Variants in DGKI observed in about 807,000 individuals in gnomAD.
DGKI encodes the protein DAG kinase iota.
A neutral mutation model predicts 147.5 loss-of-function variants in DGKI; 55 were observed. That is an observed-to-expected ratio of 0.37 (90% CI 0.30 to 0.47). The LOEUF (loss-of-function observed/expected upper bound fraction) is 0.47, where lower values mean the gene tolerates loss of function less well. Among genes scored for constraint, DGKI ranks in the 20% least tolerant of loss-of-function variants. The pLI, the probability that DGKI is intolerant of heterozygous loss-of-function variation, is 1.00. For synonymous variants in DGKI, 469 were observed against 477.1 expected (o/e 0.98, Z 0.22); for missense variants, 1,007 against 1,323.8 (o/e 0.76, Z 3.71).
intron 29 of DGKI, among the ~76,000 whole-genome samples, chr7:137,409,242 A>G (rs1302388411): frequency 6.6e-6 from 1 of 152,238 alleles, no homozygotes; most frequent in Admixed American, 6.5e-5. Flanking sequence ...TCAATTAAAA[A>G]TACTTTCTTA....
At chr7:137,398,539 G>C (rs992988936) in intron 30 of DGKI, among the ~76,000 whole-genome samples, 1 of 152,078 alleles carries the variant, frequency 6.6e-6, no homozygotes, top group South Asian at 2.1e-4. Context: ...CTGGGAATTT[G>C]CTCTCTTTAT....
chr7:137,717,944 C>A (rs1055458210), intron 1 of DGKI, among the ~76,000 whole-genome samples: 2 of 152,150 alleles, frequency 1.3e-5, no homozygotes, highest in Admixed American at 1.3e-4. Flanking sequence ...ACCCACCCAG[C>A]GGAAGGAGCT....
At chr7:137,844,898 C>A (rs1798664444) in intron 1 of DGKI, among the ~76,000 whole-genome samples, 1 of 152,184 alleles carries the variant, frequency 6.6e-6, no homozygotes, top group Admixed American at 6.5e-5. Flanking sequence ...AATCACCACC[C>A]CCTTCCAACT....
Position 137,384,346 on chromosome 7 carries a change from T to C in DGKI, c.*6874A>G, listed in dbSNP as rs956283420. 1 of 152,010 alleles carries C rather than the reference T, an allele frequency of 6.6e-6. No homozygotes were observed. The highest frequency in any genetic ancestry group is 2.4e-5 in the African/African-American group (1 of 41,410). 9.4% of individuals were successfully genotyped at this position (152,010 alleles called of 1,614,324 possible). On this transcript the variant is annotated 3_prime_UTR_variant, in exon 33 of 33. Coordinates refer to ENST00000614521, the MANE Select transcript of DGKI (RefSeq NM_001321708.2). ...GACAGCAAAAACTCTGACTTTTTGA[T>C]TTCACATTCTCCCTTATTTCTAACT...
intron 21 of DGKI, among the ~76,000 whole-genome samples, chr7:137,516,553 T>A (rs1197039721): frequency 6.6e-6 from 1 of 151,704 alleles, no homozygotes; most frequent in South Asian, 2.1e-4. Flanking sequence ...TCACATTTTT[T>A]AAAAAAAGAA....
chr7:137,572,748 A>G lies in DGKI; in HGVS notation c.1835+17T>C, dbSNP rs763296355. 6.4e-7 allele frequency: 1 copy of G among 1,563,330 alleles called. No individual in the cohort carries two copies. The highest frequency in any genetic ancestry group is 2.3e-5 in the East Asian group (1 of 44,380). On this transcript the variant is annotated intron_variant, in intron 18 of 32. Transcript: ENST00000614521. ...GAGTTCACGTCAAACCAAGGAAACA[A>G]TACAAACAGAGCCTACCTGGGTATA...
At chr7:137,702,503 T>G (rs1043859999) in intron 1 of DGKI, among the ~76,000 whole-genome samples, 13 of 152,202 alleles carry the variant, frequency 8.5e-5, no homozygotes, top group African/African-American at 3.1e-4. Flanking sequence ...ACTCTTGAGA[T>G]TATTTTTCAA....
chr7:137,419,325 T>C (rs1401379648), intron 28 of DGKI, among the ~76,000 whole-genome samples: 2 of 152,368 alleles, frequency 1.3e-5, no homozygotes, highest in Non-Finnish European at 2.9e-5. Context: ...TTATCATGAC[T>C]GAAGTCTTCA....
In DGKI at chr7:137,387,961, T is replaced by A. The variant is rs1204859104; in HGVS notation, c.*3259A>T. On this transcript the variant is annotated 3_prime_UTR_variant, in exon 33 of 33. Transcript: ENST00000614521. ...TGAAAATGAAGTGATGTTGAGTAGC[T>A]CCCAGCACAGGCAGATCTGCCAAAG... 1.3e-5 allele frequency: 2 copies of A among 152,096 alleles called. No homozygotes were observed. Among genetic ancestry groups the A allele is most frequent in the African/African-American group, 4.8e-5 (2 of 41,418 alleles). 9.4% of individuals were successfully genotyped at this position (152,096 alleles called of 1,614,324 possible).
chr7:137,609,553 G>C lies in DGKI; in HGVS notation c.1050C>G (p.Ala350=). 1 of 1,612,720 alleles carries C rather than the reference G, an allele frequency of 6.2e-7. No individual in the cohort carries two copies. The highest frequency in any genetic ancestry group is 1.1e-5 in the South Asian group (1 of 91,046). ...CACTTACTTCCATCCCTCTTTTACTGGCTTTTCTTTTAAAGCTTGTTCTCT... is the reference window on the plus strand; with the variant it reads ...CACTTACTTCCATCCCTCTTTTACTCGCTTTTCTTTTAAAGCTTGTTCTCT... The part of the protein sequence containing the change: ...KKKRTSFKRK[A]SKRGMEQENK... Residue 350 remains alanine, a synonymous_variant, in exon 9 of 33, where the codon GCC becomes GCG. Transcript: ENST00000614521.
At chr7:137,541,558 A>C (rs1450541275) in intron 20 of DGKI, among the ~76,000 whole-genome samples, 1 of 152,218 alleles carries the variant, frequency 6.6e-6, no homozygotes, top group Non-Finnish European at 1.5e-5. Flanking sequence ...CTAGAATCTA[A>C]GAAAAGGGAC....
At chr7:137,705,462 A>T (rs1249488492) in intron 1 of DGKI, among the ~76,000 whole-genome samples, 1 of 152,136 alleles carries the variant, frequency 6.6e-6, no homozygotes, top group Non-Finnish European at 1.5e-5. Context: ...AGTGAAAAAA[A>T]ATGGGACACA....
intron 3 of DGKI, among the ~76,000 whole-genome samples, chr7:137,676,074 A>G (rs894643173): frequency 6.6e-6 from 1 of 152,116 alleles, no homozygotes; most frequent in Non-Finnish European, 1.5e-5. Flanking sequence ...ATGCCCAGAG[A>G]TGACATGCGC....
At chr7:137,448,012 T>C (rs1184231442) in intron 27 of DGKI, among the ~76,000 whole-genome samples, 1 of 152,082 alleles carries the variant, frequency 6.6e-6, no homozygotes, top group African/African-American at 2.4e-5. Context: ...GCCCAAACCA[T>C]CATACATGAA....
chr7:137,451,544 A>G (rs1266022252), intron 27 of DGKI, among the ~76,000 whole-genome samples: 6 of 152,350 alleles, frequency 3.9e-5, no homozygotes, highest in African/African-American at 1.2e-4. Context: ...TTCTACCAGC[A>G]AAAGAGCAAT....
chr7:137,512,712 T>A (rs997776510), intron 21 of DGKI, among the ~76,000 whole-genome samples: 6 of 152,224 alleles, frequency 3.9e-5, no homozygotes, highest in Admixed American at 3.3e-4. Flanking sequence ...AATATCATCA[T>A]CATTTTAGGC....
intron 1 of DGKI, among the ~76,000 whole-genome samples, chr7:137,730,314 T>C (rs1254883742): frequency 2.0e-5 from 3 of 152,094 alleles, no homozygotes; most frequent in Admixed American, 1.3e-4. Flanking sequence ...TTTTGGTTAA[T>C]GGTACCGTGG....
intron 1 of DGKI, among the ~76,000 whole-genome samples, chr7:137,804,023 G>A (rs1797290849): frequency 6.6e-6 from 1 of 152,200 alleles, no homozygotes; most frequent in Non-Finnish European, 1.5e-5. Flanking sequence ...CTTTGTGAGA[G>A]TAAGTGACAA....
rs1223641324 is a variant in DGKI at position 137,390,995 on chromosome 7, TG to T, written c.*224del. 1 of 543,038 alleles carries T rather than the reference TG, an allele frequency of 1.8e-6. No homozygotes were observed. The highest frequency in any genetic ancestry group is 3.4e-5 in the Admixed American group (1 of 29,370). The allele number at this position is 543,038 out of a possible 1,614,324, so 33.6% of individuals were successfully genotyped here. A position where few individuals can be genotyped will look rare whatever the true frequency, so the allele number is the denominator to read the frequency against. ...GGATCAAATTTTGTGGAACTCGTAC[TG>T]TATTCCACAAATCTCCAGGTATCCT... On this transcript the variant is annotated 3_prime_UTR_variant, in exon 33 of 33. Transcript: ENST00000614521.
Sources: gnomAD v4.1 joint callset for allele counts (sites outside exome capture counted in the v4.1 genomes callset) on GRCh38, gnomAD v4.1.1 for gene constraint, MANE v1.5 for transcripts, NCBI Gene and HGNC (gene_info 2026-07-23, HGNC 2026-07-21) for gene names.